Variants in ETV6 observed in about 807,000 individuals in gnomAD.
ETV6 encodes ETS variant transcription factor 6.
In ETV6, 16 loss-of-function variants were observed where a neutral mutation model predicts 51.1. That is an observed-to-expected ratio of 0.31 (90% CI 0.21 to 0.48). The LOEUF (loss-of-function observed/expected upper bound fraction) is 0.48. Among genes scored for constraint, ETV6 ranks in the 20% least tolerant of loss-of-function variants. The probability of loss-of-function intolerance (pLI) is 0.99; values close to 1 mark genes in which losing one functional copy is unlikely to be tolerated. For missense variants in ETV6, 458 were observed against 594.8 expected, an observed-to-expected ratio of 0.77 and a Z score of 2.39; for synonymous variants, 240 against 224.1, an observed-to-expected ratio of 1.07 and a Z score of -0.64.
At chr12:11,779,078 A>G (rs145925216) in intron 2 of ETV6, among the ~76,000 whole-genome samples, 1 of 152,172 alleles carries the variant, frequency 6.6e-6, no homozygotes, top group Non-Finnish European at 1.5e-5. Context: ...GCTTTGCTCT[A>G]TTTTTTCATA....
chr12:11,804,404 G>A (rs189445519), intron 2 of ETV6, among the ~76,000 whole-genome samples: 4 of 152,250 alleles, frequency 2.6e-5, no homozygotes, highest in East Asian at 1.9e-4. Flanking sequence ...TGTAAATCTC[G>A]TCAACCTCTC....
intron 1 of ETV6, among the ~76,000 whole-genome samples, chr12:11,660,798 T>G (rs1864087289): frequency 6.6e-6 from 1 of 152,168 alleles, no homozygotes; most frequent in East Asian, 1.9e-4. Context: ...CTCATGGTAG[T>G]GTCTCTTGGC....
chr12:11,664,940 C>G (rs571054260), intron 1 of ETV6, among the ~76,000 whole-genome samples: 11 of 152,256 alleles, frequency 7.2e-5, no homozygotes, highest in Middle Eastern at 3.4e-3. Flanking sequence ...TAGCATGAAC[C>G]ACAGCTTCTT....
At chr12:11,728,309 C>T (rs946260141) in intron 1 of ETV6, among the ~76,000 whole-genome samples, 5 of 152,212 alleles carry the variant, frequency 3.3e-5, no homozygotes, top group African/African-American at 7.2e-5. Context: ...GGGTCCCCAA[C>T]CCCCAGACCG....
At chr12:11,700,931 A>G (rs1236829540) in intron 1 of ETV6, among the ~76,000 whole-genome samples, 2 of 152,162 alleles carry the variant, frequency 1.3e-5, no homozygotes, top group Non-Finnish European at 2.9e-5. Context: ...TTTGTTTCCT[A>G]CTGTGGAAGA....
At chr12:11,746,631 G>A (rs1591645992) in intron 1 of ETV6, among the ~76,000 whole-genome samples, 1 of 152,246 alleles carries the variant, frequency 6.6e-6, no homozygotes, top group East Asian at 1.9e-4. Context: ...ATTCTAGGAT[G>A]TATGATTGCA....
intron 4 of ETV6, among the ~76,000 whole-genome samples, chr12:11,860,003 G>T (rs1355134290): frequency 6.6e-6 from 1 of 152,160 alleles, no homozygotes; most frequent in African/African-American, 2.4e-5. Flanking sequence ...CTTGGGATGG[G>T]CCGTCTTAGC....
chr12:11,760,521 A>T (rs1215516181), intron 2 of ETV6, among the ~76,000 whole-genome samples: 1 of 152,152 alleles, frequency 6.6e-6, no homozygotes, highest in East Asian at 1.9e-4. Context: ...AGGAGGGTGA[A>T]GGTTTGTAAG....
chr12:11,879,265 TAAAAG>T (rs898066733), intron 5 of ETV6, among the ~76,000 whole-genome samples: 5 of 152,338 alleles, frequency 3.3e-5, no homozygotes, highest in African/African-American at 1.2e-4. Context: ...CTTGGGCAGT[TAAAAG>T]AACATAAAAT....
chr12:11,834,180 T>A (rs370704926), intron 2 of ETV6, among the ~76,000 whole-genome samples: 1 of 152,302 alleles, frequency 6.6e-6, no homozygotes, highest in East Asian at 1.9e-4. Context: ...GTGATAACTG[T>A]CCTCACTGTG....
intron 1 of ETV6, among the ~76,000 whole-genome samples, chr12:11,721,278 C>T (rs530014278): frequency 2.6e-5 from 4 of 152,290 alleles, no homozygotes; most frequent in East Asian, 1.9e-4. Flanking sequence ...TTTACTGCCA[C>T]GCTATTCACA....
Position 11,650,001 on chromosome 12 carries a change from G to C in ETV6, c.-127G>C, listed in dbSNP as rs1863859322. On this transcript the variant is annotated 5_prime_UTR_variant, in exon 1 of 8. Coordinates refer to ENST00000396373, the MANE Select transcript of ETV6 (RefSeq NM_001987.5). ...GCTCCAGACCCCCGGGGCGGCTGCC[G>C]GGAGAGATGCTGGAAGAAACTTCTT... 2.0e-5 allele frequency: 18 copies of C among 901,808 alleles called. 1 individual carries two copies. The South Asian group carries it at 2.7e-4, about 13-fold the overall frequency. 55.9% of individuals were successfully genotyped at this position (901,808 alleles called of 1,614,324 possible).
intron 1 of ETV6, among the ~76,000 whole-genome samples, chr12:11,650,498 A>AC (rs1236899936): frequency 1.2e-5 from 1 of 82,632 alleles, no homozygotes; most frequent in Admixed American, 1.5e-4. Flanking sequence ...AAAAAAAACA[A>AC]AAAACAAAAA....
chr12:11,826,628 A>G (rs1284431600), intron 2 of ETV6: 2 of 152,156 alleles, frequency 1.3e-5, no homozygotes, highest in Non-Finnish European at 2.9e-5. Flanking sequence ...TTGATTTATC[A>G]TTTTCCTTTT....
chr12:11,744,820 C>T (rs921732704), intron 1 of ETV6, among the ~76,000 whole-genome samples: 7 of 152,040 alleles, frequency 4.6e-5, no homozygotes, highest in African/African-American at 1.4e-4. Context: ...CTTCATAGAC[C>T]TCCCTGGTAA....
In ETV6 at chr12:11,866,820, C is replaced by T. The variant is rs74060888; in HGVS notation, c.464-2604C>T. On this transcript the variant is annotated intron_variant, in intron 4 of 7. Coordinates refer to ENST00000396373, the MANE Select transcript of ETV6 (RefSeq NM_001987.5). ...GGGTCTCCCTGGCACTTGGGCTATT[C>T]GGTAATCAGACAAGAATTTGAGGAA... Among the ~76,000 whole-genome samples, 1,388 of 152,290 alleles carry T rather than the reference C, an allele frequency of 9.1e-3. 19 individuals carry two copies. The highest frequency in any genetic ancestry group is 0.031 in the African/African-American group (1,291 of 41,556).
At chr12:11,767,109 T>C (rs1945172730) in intron 2 of ETV6, among the ~76,000 whole-genome samples, 1 of 152,186 alleles carries the variant, frequency 6.6e-6, no homozygotes, top group Admixed American at 6.5e-5. Flanking sequence ...TAGGCTTAAG[T>C]TAATGAAATA....
chr12:11,673,205 C>T (rs564724255), intron 1 of ETV6, among the ~76,000 whole-genome samples: 28 of 152,074 alleles, frequency 1.8e-4, no homozygotes, highest in Non-Finnish European at 3.2e-4. Flanking sequence ...ATCCTGGCTG[C>T]AGAAGGGGCA....
chr12:11,824,817 T>A (rs755945218), intron 2 of ETV6, among the ~76,000 whole-genome samples: 13 of 152,076 alleles, frequency 8.5e-5, no homozygotes, highest in Non-Finnish European at 1.8e-4. Flanking sequence ...GAGACTTAGA[T>A]GCAAGGTCTC....
Sources: allele counts gnomAD v4.1 joint callset (sites outside exome capture counted in the v4.1 genomes callset), GRCh38; gene constraint gnomAD v4.1.1; transcripts MANE v1.5; gene names NCBI Gene and HGNC (gene_info 2026-07-23, HGNC 2026-07-21).